The following GPC6 variants were observed in gnomAD, a reference collection of about 807,000 sequenced individuals.
GPC6 encodes the protein glypican-6.
In GPC6, 14 loss-of-function variants were observed where a neutral mutation model predicts 55.2. The ratio of observed to expected loss-of-function variants is 0.25; its 90% CI spans 0.17 to 0.40. The LOEUF is 0.40. GPC6 is among the 10% of genes least tolerant of loss of function. GPC6 has a pLI of 1.00. For synonymous variants in GPC6, 278 were observed against 259.6 expected (o/e 1.07, Z -0.68); for missense variants, 641 against 708.5 (o/e 0.90, Z 1.08).
At chr13:93,694,357 G>C (rs1882370904) in intron 2 of GPC6, among the ~76,000 whole-genome samples, 1 of 152,080 alleles carries the variant, frequency 6.6e-6, no homozygotes, top group Non-Finnish European at 1.5e-5. Flanking sequence ...TGAAAATAAG[G>C]ATTTCCTTAT....
At chr13:94,015,911 G>A (rs144749194) in intron 3 of GPC6, among the ~76,000 whole-genome samples, 3 of 152,280 alleles carry the variant, frequency 2.0e-5, no homozygotes, top group African/African-American at 4.8e-5. Context: ...TTACAAAAAT[G>A]CATAACACTC....
intron 1 of GPC6, among the ~76,000 whole-genome samples, chr13:93,435,304 C>T (rs866043929): frequency 2.0e-4 from 30 of 151,680 alleles, no homozygotes; most frequent in African/African-American, 3.6e-4. Context: ...TATTTAGTGA[C>T]GGATTTTTGC....
At chr13:94,030,389 AT>A (rs1883080239) in intron 4 of GPC6, among the ~76,000 whole-genome samples, 1 of 152,046 alleles carries the variant, frequency 6.6e-6, no homozygotes, top group Non-Finnish European at 1.5e-5. Flanking sequence ...CTGCTGTGGC[AT>A]TGAGAATTGA....
intron 4 of GPC6, among the ~76,000 whole-genome samples, chr13:94,133,264 T>A (rs1887064279): frequency 1.4e-5 from 1 of 69,548 alleles, no homozygotes; most frequent in East Asian, 3.7e-4. Context: ...TACTGACCAG[T>A]GACAAAAAAA....
At chr13:93,456,960 C>G (rs1185291228) in intron 1 of GPC6, among the ~76,000 whole-genome samples, 1 of 152,116 alleles carries the variant, frequency 6.6e-6, no homozygotes, top group Non-Finnish European at 1.5e-5. Context: ...TGGTTTCCCC[C>G]ATCCTGTTCT....
chr13:93,759,417 C>A (rs975040607), intron 2 of GPC6, among the ~76,000 whole-genome samples: 1 of 152,134 alleles, frequency 6.6e-6, no homozygotes, highest in African/African-American at 2.4e-5. Flanking sequence ...TATGGGAGAC[C>A]TCATTAATGG....
intron 2 of GPC6, among the ~76,000 whole-genome samples, chr13:93,626,646 A>G (rs1423984886): frequency 6.6e-6 from 1 of 152,096 alleles, no homozygotes; most frequent in Admixed American, 6.5e-5. Flanking sequence ...TACTAAAAAT[A>G]CAAAAATTAG....
At chr13:93,325,865 C>T (rs1471297892) in intron 1 of GPC6, among the ~76,000 whole-genome samples, 1 of 152,106 alleles carries the variant, frequency 6.6e-6, no homozygotes, top group East Asian at 1.9e-4. Context: ...AATGAGGAGA[C>T]TCTGGCAGTG....
At chr13:94,129,778 T>C in intron 4 of GPC6, among the ~76,000 whole-genome samples, 1 of 152,162 alleles carries the variant, frequency 6.6e-6, no homozygotes, top group South Asian at 2.1e-4. Flanking sequence ...TGGCTAGATC[T>C]TGACTAATAG....
At chr13:93,545,624 T>C (rs1874748415) in intron 2 of GPC6, among the ~76,000 whole-genome samples, 2 of 152,140 alleles carry the variant, frequency 1.3e-5, no homozygotes, top group Non-Finnish European at 2.9e-5. Flanking sequence ...AAACCTGGTT[T>C]AACAAAGAGC....
At chr13:94,103,871 G>A (rs1594738790) in intron 4 of GPC6, among the ~76,000 whole-genome samples, 1 of 152,126 alleles carries the variant, frequency 6.6e-6, no homozygotes, top group Non-Finnish European at 1.5e-5. Context: ...TTGCTGTGGA[G>A]AAGCTCTTTA....
chr13:94,224,158 A>G (rs2139004826), intron 4 of GPC6, among the ~76,000 whole-genome samples: 2 of 151,954 alleles, frequency 1.3e-5, no homozygotes. Flanking sequence ...CATGTGTGTT[A>G]GATAAGCTTT....
chr13:94,189,892 G>A (rs1448078470), intron 4 of GPC6, among the ~76,000 whole-genome samples: 2 of 152,034 alleles, frequency 1.3e-5, no homozygotes, highest in African/African-American at 4.8e-5. Context: ...GTGGTGGCGG[G>A]CGCCTGTAGT....
At chr13:93,725,230 G>GT (rs35030624) in intron 2 of GPC6, among the ~76,000 whole-genome samples, 33,767 of 151,992 alleles carry the variant, frequency 0.22, 7,850 homozygotes, top group African/African-American at 0.57. Context: ...ACATTATTGG[G>GT]AGAAGGCCAT....
intron 2 of GPC6, among the ~76,000 whole-genome samples, chr13:93,656,018 T>G (rs1306759754): frequency 6.6e-6 from 1 of 152,180 alleles, no homozygotes; most frequent in Admixed American, 6.5e-5. Context: ...ACTAGGGAGA[T>G]GAACAGCAAG....
chr13:93,273,888 A>G (rs536496193), intron 1 of GPC6, among the ~76,000 whole-genome samples: 1 of 151,694 alleles, frequency 6.6e-6, no homozygotes, highest in Non-Finnish European at 1.5e-5. Flanking sequence ...GGCTCACTGC[A>G]ACCTCTGCCT....
At chr13:93,965,818 A>C (rs573744684) in intron 3 of GPC6, among the ~76,000 whole-genome samples, 1 of 152,314 alleles carries the variant, frequency 6.6e-6, no homozygotes, top group Middle Eastern at 3.4e-3. Context: ...GAGCCCAGCC[A>C]AAATCACCAA....
intron 3 of GPC6, among the ~76,000 whole-genome samples, chr13:93,944,666 C>G (rs1234961384): frequency 2.0e-5 from 3 of 152,072 alleles, no homozygotes; most frequent in African/African-American, 4.8e-5. Context: ...TGATGTTTAC[C>G]TTGTTCTCAT....
chr13:93,695,060 CTGTGCTAAAAGAATAATCAAGCT>C (rs1349257142), intron 2 of GPC6, among the ~76,000 whole-genome samples: 6 of 152,146 alleles, frequency 3.9e-5, no homozygotes, highest in Middle Eastern at 3.4e-3. Flanking sequence ...TGAGTTAAAT[CTGTGCTAAAAGAATAATCAAGCT>C]TGTTCAATTA....
Sources: allele counts gnomAD v4.1 joint callset (sites outside exome capture counted in the v4.1 genomes callset), GRCh38; gene constraint gnomAD v4.1.1; transcripts MANE v1.5; gene names NCBI Gene and HGNC (gene_info 2026-07-23, HGNC 2026-07-21).